Variants in BAZ2B observed in about 807,000 individuals in gnomAD.
The protein encoded by BAZ2B is bromodomain adjacent to zinc finger domain 2B.
BAZ2B carries 91 observed loss-of-function variants against 246.0 expected under a neutral mutation model. That is an observed-to-expected ratio of 0.37 (90% CI 0.31 to 0.44). The LOEUF (loss-of-function observed/expected upper bound fraction) is 0.44. BAZ2B is among the 20% of genes least tolerant of loss of function. The pLI, the probability that BAZ2B is intolerant of heterozygous loss-of-function variation, is 1.00. For missense variants in BAZ2B, 2,332 were observed against 2,533.7 expected (o/e 0.92, Z 1.71); for synonymous variants, 855 against 860.0 (o/e 0.99, Z 0.10).
the BAZ2B span, chr2:159,695,079 G>A: frequency 6.6e-6 from 1 of 152,136 alleles, no homozygotes; most frequent in South Asian, 2.1e-4. Context: ...TGCTGAGGCT[G>A]AGCATATATT....
At chr2:159,617,443 A>G (rs958629192), upstream of BAZ2B, among the ~76,000 whole-genome samples, 3 of 151,944 alleles carry the variant, frequency 2.0e-5, no homozygotes, top group Non-Finnish European at 4.4e-5. Flanking sequence ...CTTAATCTTG[A>G]TAACACTTTA....
chr2:159,584,980 C>G lies in BAZ2B; in HGVS notation c.-45-29115G>C, dbSNP rs533800970. ...GTCATGATTGGGAGCTTCCTGAAAC[C>G]TCCCCAGAAGCAGATGCCACTATAC... On this transcript the variant is annotated intron_variant, in intron 1 of 36. Coordinates refer to ENST00000392783, the MANE Select transcript of BAZ2B (RefSeq NM_013450.4). 6.6e-5 allele frequency among the ~76,000 whole-genome samples: 10 copies of G among 152,296 alleles called. No homozygotes were observed. The South Asian group carries it at 2.1e-3, about 32-fold the overall frequency.
intron 2 of BAZ2B, among the ~76,000 whole-genome samples, chr2:159,530,483 A>G (rs1011711928): frequency 6.6e-6 from 1 of 152,232 alleles, no homozygotes; most frequent in African/African-American, 2.4e-5. Context: ...ATATTTTAAT[A>G]TAAAATGCAA....
At chr2:159,592,231 G>C (rs1689568695) in intron 1 of BAZ2B, among the ~76,000 whole-genome samples, 1 of 152,156 alleles carries the variant, frequency 6.6e-6, no homozygotes, top group African/African-American at 2.4e-5. Flanking sequence ...AACGTGTCTA[G>C]AATAGAAGTT....
chr2:159,694,772 A>G, the BAZ2B span: 1 of 152,218 alleles, frequency 6.6e-6, no homozygotes, highest in Non-Finnish European at 1.5e-5. Flanking sequence ...TTTGACTACT[A>G]TGACATGAAC....
chr2:159,365,360 T>C (rs1437823012), intron 27 of BAZ2B, among the ~76,000 whole-genome samples: 1 of 152,214 alleles, frequency 6.6e-6, no homozygotes, highest in Non-Finnish European at 1.5e-5. Context: ...TAAAGGTCCC[T>C]CCACTTTGGT....
At position 159,432,785 on chromosome 2, in the gene BAZ2B, TTCA is replaced by T. The variant is rs749402292; in HGVS notation, c.1869_1871del (p.Asp623del). 39 of 1,613,002 alleles carry T rather than the reference TTCA, an allele frequency of 2.4e-5. No individual in the cohort carries two copies. The highest frequency in any genetic ancestry group is 3.3e-5 in the Non-Finnish European group (39 of 1,179,232). ...ATTGGCTGTCATCAGATTCATCATC[TTCA>T]TCATCTTCCTCATCTTCTTCTTCAT... On this transcript the variant is annotated inframe_deletion, in exon 9 of 37. Coordinates refer to ENST00000392783, the MANE Select transcript of BAZ2B (RefSeq NM_013450.4).
At chr2:159,436,363 T>C (rs1428739866) in intron 8 of BAZ2B, among the ~76,000 whole-genome samples, 1 of 152,178 alleles carries the variant, frequency 6.6e-6, no homozygotes, top group Non-Finnish European at 1.5e-5. Flanking sequence ...ATAGTACACA[T>C]ATTATCATTT....
rs973294943 is a variant in BAZ2B at position 159,337,648 on chromosome 2, T to C, written c.5579A>G (p.His1860Arg). The C allele has an allele frequency of 1.2e-6, 2 of 1,614,234 alleles. No individual in the cohort carries two copies. Among genetic ancestry groups the C allele is most frequent in the Non-Finnish European group, 1.7e-6 (2 of 1,180,030 alleles). ...EFTGEDESSA[H>R]ALERKSDNPL... ...GTTGTCACTCTTCCGTTCTAGTGCA[T>C]GTGCACTGCTTTCGTCTTCGCCAGT... Residue 1860 changes from histidine to arginine, a missense_variant, in exon 32 of 37, where the codon CAT becomes CGT. Coordinates refer to ENST00000392783, the MANE Select transcript of BAZ2B (RefSeq NM_013450.4).
At position 159,350,111 on chromosome 2, in the gene BAZ2B, G is replaced by T; in HGVS notation, c.4460C>A (p.Pro1487His). The T allele has an allele frequency of 6.2e-7, 1 of 1,614,084 alleles. No homozygotes were observed. The highest frequency in any genetic ancestry group is 8.5e-7 in the Non-Finnish European group (1 of 1,179,998). Residue 1487 changes from proline (P) to histidine (H), a missense_variant, in exon 28 of 37, where the codon CCC becomes CAC. Physicochemically the swap from Pro to His is moderately conservative, Grantham distance 77. Around this residue, in one of 9 missense-constraint regions of BAZ2B, gnomAD observed 676 missense variants for 668.6 expected, o/e 1.01. Transcript: ENST00000392783. Reference protein sequence around the residue: ...KMPPESEVMTPKPNAGANGCT... With the variant: ...KMPPESEVMTHKPNAGANGCT... Reference sequence around the variant, plus strand: ...CCCATTTGCACCAGCATTTGGTTTGGGGGTCATAACCTCTGACTCAGGAGG... The same window carrying T: ...CCCATTTGCACCAGCATTTGGTTTGTGGGTCATAACCTCTGACTCAGGAGG...
At chr2:159,629,679 TA>T in the BAZ2B span, among the ~76,000 whole-genome samples, 1 of 149,390 alleles carries the variant, frequency 6.7e-6, no homozygotes, top group South Asian at 2.1e-4. Flanking sequence ...TGTTGGGGGA[TA>T]GGGGGCTAGG....
intron 30 of BAZ2B, 50 bp downstream of exon 30, chr2:159,348,628 T>C (rs368713351): frequency 6.5e-7 from 1 of 1,538,514 alleles, no homozygotes; most frequent in Non-Finnish European, 8.7e-7. Flanking sequence ...GAATAATTAA[T>C]TCTCATAACT....
At chr2:159,462,851 A>G (rs2076581450) in intron 3 of BAZ2B, 1 of 1,592,822 alleles carries the variant, frequency 6.3e-7, no homozygotes, top group Non-Finnish European at 8.6e-7. Flanking sequence ...CGTTGGAATA[A>G]TGGTCTTTCA....
chr2:159,688,377 T>A, the BAZ2B span, among the ~76,000 whole-genome samples: 2 of 152,200 alleles, frequency 1.3e-5, no homozygotes, highest in African/African-American at 4.8e-5. Context: ...TACATGTTAC[T>A]CAGATTGCCC....
the BAZ2B span, among the ~76,000 whole-genome samples, chr2:159,643,060 T>A: frequency 6.6e-6 from 1 of 152,248 alleles, no homozygotes; most frequent in Non-Finnish European, 1.5e-5. Flanking sequence ...AACATTTTCA[T>A]AATCAGCCAT....
rs552126506 is a variant in BAZ2B at position 159,420,718 on chromosome 2, T to C, written c.2466+7223A>G. Reference sequence around the variant, plus strand: ...AAATACCTCTTACCTTAGTGTTATATTTAGGTAAATAAAAATAATGCTATT... The same window carrying C: ...AAATACCTCTTACCTTAGTGTTATACTTAGGTAAATAAAAATAATGCTATT... On this transcript the variant is annotated intron_variant, in intron 13 of 36. Coordinates refer to ENST00000392783, the MANE Select transcript of BAZ2B (RefSeq NM_013450.4). Among the ~76,000 whole-genome samples the C allele has an allele frequency of 5.3e-5, 8 of 152,336 alleles. No homozygotes were observed. In the East Asian group the frequency reaches 1.3e-3, roughly 26 times the overall value.
At chr2:159,428,600 C>A (rs914825493) in intron 11 of BAZ2B, among the ~76,000 whole-genome samples, 181 bp from the exon 12 acceptor site, 1 of 152,082 alleles carries the variant, frequency 6.6e-6, no homozygotes, top group Non-Finnish European at 1.5e-5. Flanking sequence ...GCTAATTCAA[C>A]TAGAAAATTA....
chr2:159,585,131 A>G (rs1250721238), intron 1 of BAZ2B, among the ~76,000 whole-genome samples: 2 of 152,232 alleles, frequency 1.3e-5, no homozygotes, highest in Admixed American at 1.3e-4. Context: ...TGGTATGTGC[A>G]GTAAGAATGA....
At position 159,374,694 on chromosome 2, in the gene BAZ2B, A is replaced by G; in HGVS notation, c.4065T>C (p.Ser1355=). The G allele has an allele frequency of 3.1e-6, 5 of 1,611,036 alleles. No individual in the cohort carries two copies. Among genetic ancestry groups the G allele is most frequent in the Non-Finnish European group, 4.2e-6 (5 of 1,177,560 alleles). Residue 1355 remains serine, a synonymous_variant, in exon 26 of 37, where the codon AGT becomes AGC. Coordinates refer to ENST00000392783, the MANE Select transcript of BAZ2B (RefSeq NM_013450.4). The part of the protein sequence containing the change: ...EELEKQIEKL[S]KQQSQYRRKL... The stretch of plus-strand genomic sequence containing the variant: ...TGTTAATCAGAAAAGTGCTTACTTT[A>G]CTCAGTTTTTCAATCTGTTTTTCCA...
Sources: gnomAD v4.1 joint callset for allele counts (sites outside exome capture counted in the v4.1 genomes callset) on GRCh38, gnomAD v4.1.1 for gene constraint, gnomAD v4.1.1 regional missense constraint, MANE v1.5 for transcripts, NCBI Gene and HGNC (gene_info 2026-07-23, HGNC 2026-07-21) for gene names.